SPAG17: variants seen among roughly 807,000 people sequenced by gnomAD.
SPAG17 encodes sperm-associated antigen 17.
In SPAG17, 169 loss-of-function variants were observed where a neutral mutation model predicts 273.6. The ratio of observed to expected loss-of-function variants is 0.62; its 90% CI spans 0.55 to 0.70. SPAG17 has a LOEUF of 0.70. Ranked by LOEUF, SPAG17 falls within the 30% of genes least tolerant of loss-of-function variation. The probability of loss-of-function intolerance (pLI) is 0.00; values close to 1 mark genes in which losing one functional copy is unlikely to be tolerated. For synonymous variants in SPAG17, 825 were observed against 873.2 expected (o/e 0.94, Z 0.97); for missense variants, 2,557 against 2,627.8 (o/e 0.97, Z 0.59).
chr1:118,178,700 AAG>A (rs1660805589), intron 1 of SPAG17, among the ~76,000 whole-genome samples: 1 of 152,042 alleles, frequency 6.6e-6, no homozygotes, highest in African/African-American at 2.4e-5. Flanking sequence ...GACTTCACCA[AAG>A]AGACTGTTAG....
intron 20 of SPAG17, among the ~76,000 whole-genome samples, chr1:118,043,610 G>C (rs1650020046): frequency 6.6e-6 from 1 of 152,304 alleles, no homozygotes; most frequent in African/African-American, 2.4e-5. Flanking sequence ...GCCAACTTCA[G>C]TGTTGTCACA....
intron 38 of SPAG17, among the ~76,000 whole-genome samples, chr1:117,989,888 A>G (rs1361810904): frequency 1.3e-5 from 2 of 152,164 alleles, no homozygotes; most frequent in African/African-American, 4.8e-5. Context: ...CCTGGGGATC[A>G]AATTTCAACA....
intron 43 of SPAG17, among the ~76,000 whole-genome samples, chr1:117,979,941 T>A (rs1286780120): frequency 6.6e-6 from 1 of 152,242 alleles, no homozygotes; most frequent in African/African-American, 2.4e-5. Context: ...TTGTACTGTT[T>A]TATTATGTCA....
At chr1:118,115,277 C>G (rs373330652) in intron 4 of SPAG17, 33 bp downstream of exon 4, 1 of 1,608,370 alleles carries the variant, frequency 6.2e-7, no homozygotes, top group Non-Finnish European at 8.5e-7. Flanking sequence ...CACCACTTGC[C>G]CTCTTTAGAA....
chr1:118,161,476 G>C (rs537136256), intron 1 of SPAG17, among the ~76,000 whole-genome samples: 55 of 152,258 alleles, frequency 3.6e-4, no homozygotes, highest in African/African-American at 1.2e-3. Flanking sequence ...TCTTTCTTCT[G>C]AGAATGCTTG....
At chr1:117,996,223 C>T in intron 34 of SPAG17, 147 bp downstream of exon 34, 1 of 855,952 alleles carries the variant, frequency 1.2e-6, no homozygotes, top group Non-Finnish European at 1.8e-6. Context: ...TTATTCATGT[C>T]AACTTATTTC....
At position 117,992,714 on chromosome 1, in the gene SPAG17, T is replaced by C; in HGVS notation, c.5179-66A>G. On this transcript the variant is annotated intron_variant, in intron 35 of 48. Transcript: ENST00000336338. ...GAATGTTTTCACATTCAAATTTTTT[T>C]TAACTGTTCATTTATTACATAGATA... 3 of 1,356,614 alleles carry C rather than the reference T, an allele frequency of 2.2e-6. No individual in the cohort carries two copies. The East Asian group carries it at 7.8e-5, about 35-fold the overall frequency. The allele number at this position is 1,356,614 out of a possible 1,614,324, so 84.0% of individuals were successfully genotyped here.
intron 3 of SPAG17, among the ~76,000 whole-genome samples, chr1:118,147,999 C>G (rs1659130801): frequency 1.3e-5 from 2 of 152,008 alleles, no homozygotes; most frequent in African/African-American, 4.8e-5. Flanking sequence ...ACGAGAGTAC[C>G]CTACAAGTAG....
At chr1:118,096,266 G>C (rs1035125275) in intron 7 of SPAG17, among the ~76,000 whole-genome samples, 2 of 152,056 alleles carry the variant, frequency 1.3e-5, no homozygotes, top group Non-Finnish European at 2.9e-5. Flanking sequence ...GGGACACTCA[G>C]AGTCAGAAGT....
intron 4 of SPAG17, among the ~76,000 whole-genome samples, chr1:118,105,856 G>GA (rs397844630): frequency 0.58 from 87,911 of 150,484 alleles, 26,111 homozygotes; most frequent in African/African-American, 0.69. Flanking sequence ...CATCAAAAAA[G>GA]AAAAAAAAAG....
chr1:118,109,233 C>T (rs1656607322), intron 4 of SPAG17, among the ~76,000 whole-genome samples: 2 of 150,698 alleles, frequency 1.3e-5, no homozygotes, highest in Non-Finnish European at 3.0e-5. Flanking sequence ...CCTCCGCCTG[C>T]CAGATTCAAG....
At chr1:117,967,640 G>A (rs944194182) in intron 46 of SPAG17, among the ~76,000 whole-genome samples, 11 of 151,884 alleles carry the variant, frequency 7.2e-5, no homozygotes, top group African/African-American at 2.7e-4. Flanking sequence ...GATAAAATTA[G>A]TTTAAATGCC....
In SPAG17 at chr1:118,122,592, C is replaced by T. The variant is rs553666569; in HGVS notation, c.316-7151G>A. ...GGATATTTAGCGAATCCCTGTATTC[C>T]ACCGAGCTGTGACAATCAAAGGGAT... On this transcript the variant is annotated intron_variant, in intron 3 of 48. Transcript: ENST00000336338. Among the ~76,000 whole-genome samples, 27 of 152,220 alleles carry T rather than the reference C, an allele frequency of 1.8e-4. No individual in the cohort carries two copies. In the South Asian group the frequency reaches 4.6e-3, roughly 26 times the overall value.
intron 34 of SPAG17, among the ~76,000 whole-genome samples, chr1:117,995,695 AACACACACACACACAC>A (rs10570645): frequency 2.1e-5 from 3 of 140,748 alleles, no homozygotes; most frequent in South Asian, 2.4e-4. Flanking sequence ...AAGATGAAAT[AACACACACACACACAC>A]ACACACACAC....
chr1:118,081,271 A>G lies in SPAG17; in HGVS notation c.2039T>C (p.Met680Thr), dbSNP rs768152040. 2 of 1,614,052 alleles carry G rather than the reference A, an allele frequency of 1.2e-6. No individual in the cohort carries two copies. Among genetic ancestry groups the G allele is most frequent in the Non-Finnish European group, 8.5e-7 (1 of 1,179,988 alleles). Reference sequence around the variant, plus strand: ...GTTGCTTTCATTATCTTGCACAGACATTGACAAATTCTGATCCACAAATAG... The same window carrying G: ...GTTGCTTTCATTATCTTGCACAGACGTTGACAAATTCTGATCCACAAATAG... ...RTLFVDQNLS[M>T]SVQDNESNRE... is the part of the protein sequence containing the mutation. Residue 680 changes from methionine (M) to threonine (T), a missense_variant, in exon 15 of 49, where the codon ATG becomes ACG. Met to Thr is a moderately conservative substitution (Grantham distance 81). Coordinates refer to ENST00000336338, the MANE Select transcript of SPAG17 (RefSeq NM_206996.4).
rs963292256 is a variant in SPAG17, at chr1:117,984,704, C to A, written c.5748G>T (p.Leu1916Phe). 6.2e-7 allele frequency: 1 copy of A among 1,605,322 alleles called. No homozygotes were observed. Among genetic ancestry groups the A allele is most frequent in the South Asian group, 1.1e-5 (1 of 90,306 alleles). ...RIIPPFFKSE[L>F]NQLYQSQYNH... The stretch of plus-strand genomic sequence containing the variant: ...TTACCTGAGACTGATATAACTGGTT[C>A]AATTCAGATTTAAAAAAGGGTGGTA... The change falls in exon 41 of 49, where the codon TTG becomes TTT. Residue 1916 changes from leucine (L) to phenylalanine (F), a missense_variant. Transcript: ENST00000336338.
intron 3 of SPAG17, among the ~76,000 whole-genome samples, chr1:118,126,111 T>C (rs1657711521): frequency 6.6e-6 from 1 of 151,508 alleles, no homozygotes; most frequent in Non-Finnish European, 1.5e-5. Flanking sequence ...TTTTGATTTG[T>C]ATTTCCCTGA....
chr1:117,970,861 C>T (rs6683735), intron 45 of SPAG17, among the ~76,000 whole-genome samples: 88,385 of 151,926 alleles, frequency 0.58, 27,434 homozygotes, highest in African/African-American at 0.81. Context: ...TTTATTAGTT[C>T]GAGGTTGACT....
intron 45 of SPAG17, among the ~76,000 whole-genome samples, chr1:117,971,102 T>A (rs1321695251): frequency 6.6e-6 from 1 of 152,168 alleles, no homozygotes; most frequent in Non-Finnish European, 1.5e-5. Context: ...ACAAACATTC[T>A]TGAAGGACTT....
Sources: gnomAD v4.1 joint callset for allele counts (sites outside exome capture counted in the v4.1 genomes callset) on GRCh38, gnomAD v4.1.1 for gene constraint, MANE v1.5 for transcripts, NCBI Gene and HGNC (gene_info 2026-07-23, HGNC 2026-07-21) for gene names.